Variants in DZANK1 observed in about 807,000 individuals in gnomAD.
DZANK1 encodes the protein double zinc ribbon and ankyrin repeat domains 1, also known as double zinc ribbon and ankyrin repeat-containing protein 1.
In DZANK1, 91 loss-of-function variants were observed where a neutral mutation model predicts 94.5. The ratio of observed to expected loss-of-function variants is 0.96; its 90% CI spans 0.81 to 1.15. The LOEUF (loss-of-function observed/expected upper bound fraction) is 1.15. Among genes scored for constraint, DZANK1 ranks in the 50% most tolerant of loss-of-function variants. The pLI, the probability that DZANK1 is intolerant of heterozygous loss-of-function variation, is 0.00. For synonymous variants in DZANK1, 312 were observed against 325.3 expected, an observed-to-expected ratio of 0.96 and a Z score of 0.44; for missense variants, 903 against 916.4, an observed-to-expected ratio of 0.99 and a Z score of 0.19.
At position 18,414,401 on chromosome 20, in the gene DZANK1, TAA is replaced by T. The variant is rs1200323023; in HGVS notation, c.1187_1188del (p.Leu396GlnfsTer11). On this transcript the variant is annotated frameshift_variant, in exon 12 of 21. Coordinates refer to ENST00000262547, the Ensembl canonical transcript of DZANK1. LOFTEE classifies it high-confidence loss of function. Reference sequence around the variant, plus strand: ...GCTAGAGCCAGGCTTCTGTCCAAGCTAAGTTTCACTAGGGACTTCACACAAAT... The same window carrying T: ...GCTAGAGCCAGGCTTCTGTCCAAGCTGTTTCACTAGGGACTTCACACAAAT... 1.9e-6 allele frequency: 3 copies of T among 1,613,952 alleles called. No individual in the cohort carries two copies. The highest frequency in any genetic ancestry group is 2.5e-6 in the Non-Finnish European group (3 of 1,179,874).
chr20:18,390,993 T>C (rs887116102), intron 17 of DZANK1, among the ~76,000 whole-genome samples: 4 of 152,100 alleles, frequency 2.6e-5, no homozygotes, highest in African/African-American at 9.7e-5. Context: ...GTCAGGAGTT[T>C]GAGACCAGCC....
chr20:18,398,407 G>A, intron 14 of DZANK1, 116 bp downstream of exon 14: 1 of 854,950 alleles, frequency 1.2e-6, no homozygotes, highest in Non-Finnish European at 1.9e-6. Flanking sequence ...AGTGTAGAAA[G>A]CAGAGCAGGA....
intron 13 of DZANK1, among the ~76,000 whole-genome samples, chr20:18,398,904 G>C (rs1451568807): frequency 6.6e-6 from 1 of 151,906 alleles, no homozygotes; most frequent in African/African-American, 2.4e-5. Flanking sequence ...GGCCGAGGCA[G>C]GTGGATCACT....
At chr20:18,425,434 C>T (rs563562813) in intron 10 of DZANK1, among the ~76,000 whole-genome samples, 19 of 152,070 alleles carry the variant, frequency 1.2e-4, no homozygotes, top group African/African-American at 4.1e-4. Flanking sequence ...GCCTGTAATC[C>T]CAGCTACTCA....
At chr20:18,464,704 C>G (rs916024433) in intron 2 of DZANK1, among the ~76,000 whole-genome samples, 2 of 104,730 alleles carry the variant, frequency 1.9e-5, no homozygotes, top group African/African-American at 3.8e-5. Context: ...GAGACGGAGT[C>G]TTGCTCTGTT....
chr20:18,459,642 T>C (rs755567397), intron 3 of DZANK1, among the ~76,000 whole-genome samples: 20 of 151,652 alleles, frequency 1.3e-4, no homozygotes, highest in Non-Finnish European at 2.2e-4. Context: ...TATTTGAAAA[T>C]GGGAAAAAGT....
intron 13 of DZANK1, among the ~76,000 whole-genome samples, chr20:18,412,221 A>T (rs1196724658): frequency 6.6e-6 from 1 of 152,214 alleles, no homozygotes; most frequent in Non-Finnish European, 1.5e-5. Flanking sequence ...TTGGCCTCCC[A>T]AAGTGCTGGG....
intron 10 of DZANK1, among the ~76,000 whole-genome samples, chr20:18,419,293 G>C (rs913784146): frequency 3.3e-5 from 5 of 151,456 alleles, no homozygotes; most frequent in Admixed American, 6.6e-5. Flanking sequence ...CAGAACCTCA[G>C]GGACTTATTA....
exon 19 of DZANK1, chr20:18,389,781 G>T: frequency 6.2e-7 from 1 of 1,613,964 alleles, no homozygotes; most frequent in Admixed American, 1.7e-5. Context: ...TAACAGCCAC[G>T]GTTATGACGG....
At chr20:18,384,326 TG>T in exon 21 of DZANK1, 3 of 1,461,164 alleles carry the variant, frequency 2.1e-6, no homozygotes, top group Non-Finnish European at 2.7e-6. Context: ...CCCAAAGTGC[TG>T]GGATTACAGG....
At chr20:18,430,876 CAATT>C (rs1251569607) in intron 9 of DZANK1, among the ~76,000 whole-genome samples, 3 of 151,924 alleles carry the variant, frequency 2.0e-5, no homozygotes, top group African/African-American at 7.2e-5. Flanking sequence ...TTAAGTGAAA[CAATT>C]AAGTTGCGAG....
intron 15 of DZANK1, 127 bp from the exon 16 acceptor site, chr20:18,394,477 T>C: frequency 1.1e-6 from 1 of 921,486 alleles, no homozygotes; most frequent in Non-Finnish European, 1.7e-6. Flanking sequence ...GAGTGGAGCC[T>C]GAGACCTGGA....
At chr20:18,398,822 A>G (rs1039224822) in intron 13 of DZANK1, among the ~76,000 whole-genome samples, 196 bp from the exon 14 acceptor site, 17 of 152,200 alleles carry the variant, frequency 1.1e-4, no homozygotes, top group Admixed American at 2.0e-4. Flanking sequence ...CATGTAATTA[A>G]TCATAGACTA....
intron 12 of DZANK1, chr20:18,413,250 T>C (rs955554368): frequency 1.4e-5 from 3 of 215,386 alleles, no homozygotes; most frequent in African/African-American, 6.9e-5. Context: ...AGGACTACCA[T>C]GAAAGGTTGT....
In DZANK1 at chr20:18,447,122, T is replaced by C. The variant is rs567674907; in HGVS notation, c.629+1862A>G. Among the ~76,000 whole-genome samples, 15 of 152,208 alleles carry C rather than the reference T, an allele frequency of 9.9e-5. No individual in the cohort carries two copies. In the South Asian group the frequency reaches 3.1e-3, roughly 32 times the overall value. ...AATAGAAAAAATGCTTTGGACAAAATCCAACATCTATTCCTGATTTTAAAA... is the reference window on the plus strand; with the variant it reads ...AATAGAAAAAATGCTTTGGACAAAACCCAACATCTATTCCTGATTTTAAAA... On this transcript the variant is annotated intron_variant, in intron 7 of 20. Transcript: ENST00000262547.
chr20:18,389,957 G>A (rs1600708701), intron 18 of DZANK1, 129 bp from the exon 19 acceptor site: 2 of 1,410,120 alleles, frequency 1.4e-6, no homozygotes, highest in African/African-American at 1.4e-5. Flanking sequence ...CAGATCAAAG[G>A]AGAGGAGAAT....
chr20:18,466,877 TG>T (rs2059676740), intron 1 of DZANK1, 118 bp downstream of exon 1: 1 of 152,510 alleles, frequency 6.6e-6, no homozygotes, highest in Non-Finnish European at 1.5e-5. Context: ...TCCTTTCGGC[TG>T]GAGTAAGGGA....
At chr20:18,406,684 T>C (rs2056982987) in intron 13 of DZANK1, among the ~76,000 whole-genome samples, 1 of 152,206 alleles carries the variant, frequency 6.6e-6, no homozygotes, top group South Asian at 2.1e-4. Context: ...TAAAGGGGAC[T>C]TCATCTTGCA....
At chr20:18,460,288 A>T in exon 3 of DZANK1, 1 of 1,566,950 alleles carries the variant, frequency 6.4e-7, no homozygotes, top group Non-Finnish European at 8.7e-7. Flanking sequence ...AGTATAATAT[A>T]TGTTGACATC....
Sources: allele counts gnomAD v4.1 joint callset (sites outside exome capture counted in the v4.1 genomes callset), GRCh38; gene constraint gnomAD v4.1.1; transcripts MANE v1.5; gene names NCBI Gene and HGNC (gene_info 2026-07-23, HGNC 2026-07-21).